Variants in CHM observed in about 807,000 individuals in gnomAD.
The protein encoded by CHM is CHM Rab escort protein, also known as rab proteins geranylgeranyltransferase component A 1.
A neutral mutation model predicts 49.0 loss-of-function variants in CHM; 10 were observed. That is an observed-to-expected ratio of 0.20 (90% CI 0.13 to 0.35). CHM has a LOEUF of 0.35. Ranked by LOEUF, CHM falls within the 10% of genes least tolerant of loss-of-function variation. The probability of loss-of-function intolerance (pLI) is 1.00; values close to 1 mark genes in which losing one functional copy is unlikely to be tolerated. For missense variants in CHM, 455 were observed against 478.4 expected (o/e 0.95, Z 0.46); for synonymous variants, 184 against 167.5 (o/e 1.10, Z -0.76).
chrX:85,879,316 T>G (rs1924617166), intron 12 of CHM, among the ~76,000 whole-genome samples: 1 of 111,850 alleles, frequency 8.9e-6, no homozygotes, highest in Admixed American at 9.5e-5. Flanking sequence ...ACTTATGACA[T>G]TCCTAAAGAA....
In CHM at chrX:85,937,641, C is replaced by A. The variant is rs930664314; in HGVS notation, c.1166+18512G>T. Among the ~76,000 whole-genome samples, 25 of 109,098 alleles carry A rather than the reference C, an allele frequency of 2.3e-4. 1 individual carries two copies. The highest frequency in any genetic ancestry group is 1.2e-3 in the East Asian group (4 of 3,453). The allele number at this position is 109,098 out of a possible 115,157, so 94.7% of individuals were successfully genotyped here. A position where few individuals can be genotyped will look rare whatever the true frequency, so the allele number is the denominator to read the frequency against. On this transcript the variant is annotated intron_variant, in intron 8 of 14. Coordinates refer to ENST00000357749, the MANE Select transcript of CHM (RefSeq NM_000390.4). ...GGCAGACCACTTGAGGTCAGGAGTG[C>A]GAGACCAGCCTGGGCAACATGGTGA...
chrX:86,023,994 C>T (rs1273764462), intron 2 of CHM, among the ~76,000 whole-genome samples: 3 of 111,463 alleles, frequency 2.7e-5, no homozygotes, highest in Admixed American at 9.6e-5. Context: ...TGATAAATGC[C>T]ATGGCACTCT....
rs185514039 is a variant in CHM, at chrX:85,901,134, G to A, written c.1299C>T (p.Leu433=). Residue 433 remains leucine, a synonymous_variant, in exon 10 of 15, where the codon CTC becomes CTT. Transcript: ENST00000357749. ...FGQRIISEHF[L]VEDSYFPENM... is the part of the protein sequence containing the mutation. ...TCTCAGGAAAGTAACTGTCCTCCAC[G>A]AGGAAATGCTCAGAGATTATTCTCT... 74 of 1,202,228 alleles carry A rather than the reference G, an allele frequency of 6.2e-5. No homozygotes were observed. The Admixed American group carries it at 1.5e-3, about 24-fold the overall frequency.
At chrX:85,976,873 CAA>C (rs748204824) in intron 4 of CHM, among the ~76,000 whole-genome samples, 16,560 of 80,472 alleles carry the variant, frequency 0.21, 1,374 homozygotes, top group Admixed American at 0.35. Flanking sequence ...AAAACACACA[CAA>C]ACACACACAC....
chrX:85,877,807 C>A (rs370593414), intron 13 of CHM, among the ~76,000 whole-genome samples: 7 of 111,271 alleles, frequency 6.3e-5, no homozygotes, highest in African/African-American at 2.3e-4. Context: ...TATGCACTAT[C>A]TCTGCATTAA....
intron 2 of CHM, among the ~76,000 whole-genome samples, 193 bp from the exon 3 acceptor site, chrX:85,982,002 G>C (rs1931650195): frequency 1.8e-5 from 2 of 111,152 alleles, no homozygotes; most frequent in Non-Finnish European, 3.8e-5. Flanking sequence ...AGGCCTCTCA[G>C]ATCCCAAAAG....
chrX:85,907,707 T>C (rs183712393), intron 9 of CHM, among the ~76,000 whole-genome samples: 2 of 112,314 alleles, frequency 1.8e-5, no homozygotes, highest in East Asian at 5.6e-4. Context: ...TTTTGATGTA[T>C]AATCACCACA....
intron 13 of CHM, 81 bp downstream of exon 13, chrX:85,878,884 C>T: frequency 2.8e-6 from 2 of 707,549 alleles, no homozygotes; most frequent in South Asian, 2.3e-5. Context: ...GTTCAGGTTG[C>T]AGAAACTTTC....
chrX:85,903,606 C>T (rs777221453), intron 9 of CHM: 3 of 384,019 alleles, frequency 7.8e-6, no homozygotes, highest in East Asian at 1.5e-4. Flanking sequence ...TCTAAAGAAA[C>T]GGTGATTCTC....
chrX:85,956,801 TCTCA>T (rs1310262891), intron 7 of CHM, among the ~76,000 whole-genome samples: 1 of 111,323 alleles, frequency 9.0e-6, no homozygotes, highest in East Asian at 2.8e-4. Context: ...AACGTATACT[TCTCA>T]CTGATACTCA....
intron 8 of CHM, among the ~76,000 whole-genome samples, chrX:85,950,690 G>C (rs1225383588): frequency 9.0e-6 from 1 of 111,597 alleles, no homozygotes; most frequent in Admixed American, 9.5e-5. Flanking sequence ...TAAATTTACA[G>C]ACAGAAAAAG....
At chrX:85,971,085 C>A in intron 4 of CHM, 1 of 600,619 alleles carries the variant, frequency 1.7e-6, no homozygotes, top group Non-Finnish European at 2.0e-6. Context: ...TATTAGAATA[C>A]ATAATATATA....
intron 4 of CHM, among the ~76,000 whole-genome samples, chrX:85,977,133 T>C (rs915109005): frequency 8.9e-6 from 1 of 111,997 alleles, no homozygotes; most frequent in Non-Finnish European, 1.9e-5. Context: ...TTTACCCATG[T>C]TGCCAGCACT....
At chrX:85,978,542 A>G (rs960366719) in intron 4 of CHM, 3 of 282,020 alleles carry the variant, frequency 1.1e-5, no homozygotes, top group South Asian at 3.9e-5. Context: ...ATCAAATGAG[A>G]TAATATATTT....
At chrX:86,034,261 A>G (rs965850334) in intron 1 of CHM, among the ~76,000 whole-genome samples, 8 of 111,996 alleles carry the variant, frequency 7.1e-5, no homozygotes, top group Admixed American at 4.8e-4. Flanking sequence ...TCTATTCTTG[A>G]GCAAATGATA....
At chrX:85,950,408 T>C (rs761161686) in intron 8 of CHM, among the ~76,000 whole-genome samples, 4 of 110,699 alleles carry the variant, frequency 3.6e-5, no homozygotes, top group Non-Finnish European at 7.6e-5. Context: ...GTAGAATTTC[T>C]AAAAATGAAA....
chrX:85,978,558 G>A (rs1931408995), intron 4 of CHM: 9 of 297,238 alleles, frequency 3.0e-5, no homozygotes, highest in Admixed American at 2.5e-4. Flanking sequence ...TATTTAAAAC[G>A]GCTTGGTAAA....
At chrX:86,036,418 A>G in intron 1 of CHM, among the ~76,000 whole-genome samples, 1 of 111,691 alleles carries the variant, frequency 9.0e-6, no homozygotes, top group Non-Finnish European at 1.9e-5. Context: ...AGGTTAAAAT[A>G]AAGGATTGTG....
chrX:86,038,218 TG>T (rs1405164029), intron 1 of CHM, among the ~76,000 whole-genome samples: 3 of 111,967 alleles, frequency 2.7e-5, no homozygotes, highest in Admixed American at 9.4e-5. Context: ...GGAAATTCCT[TG>T]TGGACAACCA....
Sources: allele counts gnomAD v4.1 joint callset (sites outside exome capture counted in the v4.1 genomes callset), GRCh38; gene constraint gnomAD v4.1.1; transcripts MANE v1.5; gene names NCBI Gene and HGNC (gene_info 2026-07-23, HGNC 2026-07-21).